The following LAMB3 variants were observed in gnomAD, a reference collection of about 807,000 sequenced individuals.
LAMB3 encodes the protein laminin subunit beta 3.
LAMB3 carries 104 observed loss-of-function variants against 140.3 expected under a neutral mutation model. The ratio of observed to expected loss-of-function variants is 0.74; its 90% confidence interval spans 0.63 to 0.87. LAMB3 has a LOEUF of 0.87. LAMB3 is among the 40% of genes least tolerant of loss of function. The probability of loss-of-function intolerance (pLI) is 0.00; values close to 1 mark genes in which losing one functional copy is unlikely to be tolerated. For synonymous variants in LAMB3, 592 were observed against 602.9 expected (o/e 0.98, Z 0.26); for missense variants, 1,531 against 1,575.2 (o/e 0.97, Z 0.47).
At chr1:209,651,645 C>G (rs941420251) in intron 1 of LAMB3, among the ~76,000 whole-genome samples, 1 of 151,976 alleles carries the variant, frequency 6.6e-6, no homozygotes, top group Non-Finnish European at 1.5e-5. Context: ...GGCTGGGGCT[C>G]GACAAGAGGG....
chr1:209,627,257 G>A, intron 12 of LAMB3, 126 bp downstream of exon 12: 2 of 802,024 alleles, frequency 2.5e-6, no homozygotes, highest in Non-Finnish European at 4.0e-6. Context: ...AATGAGAACG[G>A]GGACAGAAGA....
chr1:209,641,377 A>G (rs750950465), intron 3 of LAMB3, among the ~76,000 whole-genome samples: 1 of 152,150 alleles, frequency 6.6e-6, no homozygotes, highest in Admixed American at 6.5e-5. Flanking sequence ...ATAACCCTAC[A>G]TGATAAGTAG....
rs141158354 is a variant in LAMB3 at position 209,626,099 on chromosome 1, AGAG to A, written c.1598-76_1598-74del. 375 of 1,512,578 alleles carry A rather than the reference AGAG, an allele frequency of 2.5e-4. 1 individual carries two copies. In the African/African-American group the frequency reaches 4.7e-3, roughly 19 times the overall value. 93.7% of individuals were successfully genotyped at this position (1,512,578 alleles called of 1,614,324 possible). ...AAGCAGCTGTCAGGGAGAGCCCTGA[AGAG>A]GAGGTCTGACCTGAGGCTCTTTCTA... On this transcript the variant is annotated intron_variant, in intron 13 of 22. Transcript: ENST00000356082.
At chr1:209,619,982 A>G (rs2009292) in intron 18 of LAMB3, among the ~76,000 whole-genome samples, 112,428 of 152,158 alleles carry the variant, frequency 0.74, 42,689 homozygotes, top group African/African-American at 0.92. Flanking sequence ...AGAGCTCGTC[A>G]ACCTCTCTTC....
rs1666322966 is a variant in LAMB3 at position 209,623,970 on chromosome 1, C to T, written c.2007G>A (p.Leu669=). The T allele has an allele frequency of 1.2e-6, 2 of 1,614,016 alleles. No individual in the cohort carries two copies. The highest frequency in any genetic ancestry group is 1.7e-6 in the Non-Finnish European group (2 of 1,180,022). The change falls in exon 15 of 23, where the codon CTG becomes CTA. Residue 669 remains leucine (L), a synonymous_variant. Coordinates refer to ENST00000356082, the MANE Select transcript of LAMB3 (RefSeq NM_000228.3). This position sits in a 1 kb window ranked among gnomAD's most constrained non-coding sequence, Gnocchi z 4.2. ...RRTLQGLQLD[L]PLEEETLSLP... ...GGGACAACGTCTCCTCCTCCAGGGGCAGATCCAGCTGCAGGCCCTGGAGAG... is the reference window on the plus strand; with the variant it reads ...GGGACAACGTCTCCTCCTCCAGGGGTAGATCCAGCTGCAGGCCCTGGAGAG...
chr1:209,633,768 A>C (rs1328712674), intron 6 of LAMB3, among the ~76,000 whole-genome samples: 1 of 152,238 alleles, frequency 6.6e-6, no homozygotes, highest in East Asian at 1.9e-4. Flanking sequence ...GCATCGGTCC[A>C]CATGAGAGCA....
At chr1:209,625,246 C>T (rs548573745) in intron 14 of LAMB3, among the ~76,000 whole-genome samples, 14 of 152,270 alleles carry the variant, frequency 9.2e-5, no homozygotes, top group African/African-American at 3.1e-4. Flanking sequence ...GGGGTGTGGG[C>T]GGGACCAACT....
In LAMB3 at chr1:209,625,662, G is replaced by A. The variant is rs1460665836; in HGVS notation, c.1962C>T (p.Ala654=). Reference sequence around the variant, plus strand: ...AAGGGAATTACCTGAGGGAGAGGATGGCACTGGCCACCTGAGCCACCTCCT... The same window carrying A: ...AAGGGAATTACCTGAGGGAGAGGATAGCACTGGCCACCTGAGCCACCTCCT... The part of the protein sequence containing the change: ...TEQEVAQVAS[A]ILSLRRTLQG... The change falls in exon 14 of 23, where the codon GCC becomes GCT. Residue 654 remains alanine (A), a synonymous_variant. Transcript: ENST00000356082. The A allele has an allele frequency of 1.2e-6, 2 of 1,614,168 alleles. No homozygotes were observed. Among genetic ancestry groups the A allele is most frequent in the Admixed American group, 3.3e-5 (2 of 60,032 alleles).
intron 10 of LAMB3, among the ~76,000 whole-genome samples, chr1:209,628,902 A>G (rs1342901404): frequency 6.6e-6 from 1 of 152,146 alleles, no homozygotes; most frequent in East Asian, 1.9e-4. Flanking sequence ...TTCTCATTGT[A>G]CAGAGGAGGA....
chr1:209,621,791 G>A (rs1353542811), intron 18 of LAMB3, among the ~76,000 whole-genome samples: 1 of 152,174 alleles, frequency 6.6e-6, no homozygotes, highest in Non-Finnish European at 1.5e-5. Flanking sequence ...CAGTGAGGAA[G>A]GGTGTCTGGT....
intron 17 of LAMB3, 142 bp from the exon 18 acceptor site, chr1:209,622,822 G>A: frequency 1.5e-6 from 2 of 1,365,504 alleles, no homozygotes; most frequent in South Asian, 2.3e-5. Context: ...TGGATGTTCA[G>A]TAAAAGAGAA....
In LAMB3 at chr1:209,626,971, C is replaced by T. The variant is rs770003713; in HGVS notation, c.1493G>A (p.Gly498Glu). The T allele has an allele frequency of 6.2e-7, 1 of 1,611,580 alleles. No homozygotes were observed. Among genetic ancestry groups the T allele is most frequent in the Non-Finnish European group, 8.5e-7 (1 of 1,178,434 alleles). The change falls in exon 13 of 23, where the codon GGG becomes GAG. Residue 498 changes from glycine to glutamate, a missense_variant. Physicochemically the swap from Gly to Glu is moderately conservative, Grantham distance 98. Transcript: ENST00000356082. Reference sequence around the variant, plus strand: ...AAAGCCTTCCCGACAGGGGCACTGCCCTGTGAACTGCGTGGGGAGAGCACC... The same window carrying T: ...AAAGCCTTCCCGACAGGGGCACTGCTCTGTGAACTGCGTGGGGAGAGCACC... ...SLSPQCNQFT[G>E]QCPCREGFGG... is the part of the protein sequence containing the mutation.
intron 4 of LAMB3, 97 bp from the exon 5 acceptor site, chr1:209,638,078 A>G: frequency 1.0e-6 from 1 of 994,096 alleles, no homozygotes; most frequent in Non-Finnish European, 1.5e-6. Flanking sequence ...GAACTCAGAA[A>G]CTCTCTAACC....
intron 18 of LAMB3, among the ~76,000 whole-genome samples, chr1:209,619,874 T>TTGCTG (rs1266821214): frequency 6.6e-6 from 1 of 152,208 alleles, no homozygotes; most frequent in Non-Finnish European, 1.5e-5. Flanking sequence ...TGCTTGTTCA[T>TTGCTG]TGCTGTGTCC....
Position 209,623,090 on chromosome 1 carries a change from G to A in LAMB3, c.2448C>T (p.Ser816=), listed in dbSNP as rs1571804987. Residue 816 remains serine, a synonymous_variant, in exon 17 of 23, where the codon TCC becomes TCT. Transcript: ENST00000356082. The surrounding 1 kb of genome is among the most constrained non-coding windows in gnomAD (Gnocchi z 4.2). ...CPQDNGTACG[S]RCRGVLPRAG... The stretch of plus-strand genomic sequence containing the variant: ...CCCTGGGAAGGACACCCCTGCAGCG[G>A]GAGCCACAGGCTGTGCCATTGTCTT... 1 of 1,614,214 alleles carries A rather than the reference G, an allele frequency of 6.2e-7. No homozygotes were observed. The highest frequency in any genetic ancestry group is 1.3e-5 in the African/African-American group (1 of 75,058).
intron 7 of LAMB3, 32 bp from the exon 8 acceptor site, chr1:209,632,808 T>A: frequency 6.3e-7 from 1 of 1,599,616 alleles, no homozygotes; most frequent in Non-Finnish European, 8.6e-7. Context: ...GAGGGAAGAG[T>A]TGGAGAATGG....
rs1392249491 is a variant in LAMB3 at position 209,632,772 on chromosome 1, C to A, written c.633G>T (p.Val211=). 7 of 1,614,168 alleles carry A rather than the reference C, an allele frequency of 4.3e-6. No homozygotes were observed. Among genetic ancestry groups the A allele is most frequent in the Non-Finnish European group, 5.9e-6 (7 of 1,180,004 alleles). ...TGACTCTCAAGTTTGTGATCTCCCC[C>A]ACCTCTGAGAGGGCCAAACAGCAAG... is the stretch of plus-strand genomic sequence containing the variant. ...PATQSQKIQE[V]GEITNLRVNF... is the part of the protein sequence containing the mutation. Residue 211 remains valine (V), a synonymous_variant, in exon 8 of 23, where the codon GTG becomes GTT. Coordinates refer to ENST00000356082, the MANE Select transcript of LAMB3 (RefSeq NM_000228.3).
chr1:209,645,018 G>T (rs750362224), intron 3 of LAMB3, among the ~76,000 whole-genome samples: 1 of 152,092 alleles, frequency 6.6e-6, no homozygotes, highest in East Asian at 1.9e-4. Flanking sequence ...GTTTGTCTTC[G>T]GGCCTTCCCA....
chr1:209,641,938 AG>A (rs1387573700), intron 3 of LAMB3, among the ~76,000 whole-genome samples: 5 of 152,124 alleles, frequency 3.3e-5, no homozygotes, highest in African/African-American at 4.8e-5. Flanking sequence ...AGGAGAGACA[AG>A]GGCCAGCTGC....
Sources: gnomAD v4.1 joint callset for allele counts (sites outside exome capture counted in the v4.1 genomes callset) on GRCh38, gnomAD v4.1.1 for gene constraint, Gnocchi (gnomAD v3.1) non-coding constraint, MANE v1.5 for transcripts, NCBI Gene and HGNC (gene_info 2026-07-23, HGNC 2026-07-21) for gene names.